Variants in TTC28 observed in about 807,000 individuals in gnomAD.
TTC28 encodes tetratricopeptide repeat domain 28.
Under a neutral mutation model 198.0 loss-of-function variants are expected in TTC28, and 61 were observed. The ratio of observed to expected loss-of-function variants is 0.31; its 90% CI spans 0.25 to 0.38. The LOEUF is 0.38. Ranked by LOEUF, TTC28 falls within the 10% of genes least tolerant of loss-of-function variation. TTC28 has a pLI of 1.00. For synonymous variants in TTC28, 1,171 were observed against 1,297.8 expected (o/e 0.90, Z 2.10); for missense variants, 2,678 against 3,164.0 (o/e 0.85, Z 3.69).
chr22:28,389,259 G>C (rs1299213613), intron 2 of TTC28, among the ~76,000 whole-genome samples: 2 of 152,102 alleles, frequency 1.3e-5, no homozygotes, highest in Non-Finnish European at 2.9e-5. Flanking sequence ...TTTTATTGAG[G>C]ATTTTTGCAT....
At chr22:28,155,259 C>T (rs1303041537) in intron 6 of TTC28, among the ~76,000 whole-genome samples, 1 of 152,214 alleles carries the variant, frequency 6.6e-6, no homozygotes, top group Non-Finnish European at 1.5e-5. Context: ...TTTTCTATTT[C>T]TTTCCAAAGG....
chr22:27,978,364 A>C lies in TTC28; in HGVS notation c.*3857T>G, dbSNP rs1601468254. The C allele has an allele frequency of 6.6e-6, 1 of 152,272 alleles. No individual in the cohort carries two copies. The highest frequency in any genetic ancestry group is 2.1e-4 in the South Asian group (1 of 4,836). 9.4% of individuals were successfully genotyped at this position (152,272 alleles called of 1,614,324 possible). A position where few individuals can be genotyped will look rare whatever the true frequency, so the allele number is the denominator to read the frequency against. On this transcript the variant is annotated 3_prime_UTR_variant, in exon 23 of 23. Coordinates refer to ENST00000397906, the MANE Select transcript of TTC28 (RefSeq NM_001145418.2). Reference sequence around the variant, plus strand: ...AGATAGAACAGCAGAATAGGTGATGAAAATTATACAGTTTTCACTTGTTGC... The same window carrying C: ...AGATAGAACAGCAGAATAGGTGATGCAAATTATACAGTTTTCACTTGTTGC...
At chr22:28,362,794 T>G (rs1356398373) in intron 2 of TTC28, among the ~76,000 whole-genome samples, 1 of 152,124 alleles carries the variant, frequency 6.6e-6, no homozygotes, top group Non-Finnish European at 1.5e-5. Flanking sequence ...CCCTAGAGAT[T>G]TGTGGAACTT....
At chr22:28,556,969 T>C (rs1357759692) in intron 2 of TTC28, among the ~76,000 whole-genome samples, 1 of 152,190 alleles carries the variant, frequency 6.6e-6, no homozygotes, top group Non-Finnish European at 1.5e-5. Flanking sequence ...CCACAATGCC[T>C]TTCATGACTT....
intron 2 of TTC28, among the ~76,000 whole-genome samples, chr22:28,338,480 C>G (rs904510170): frequency 8.1e-5 from 11 of 136,406 alleles, no homozygotes; most frequent in Non-Finnish European, 5.1e-5. Context: ...GTACACCAAT[C>G]AGACGTAGAT....
intron 2 of TTC28, among the ~76,000 whole-genome samples, chr22:28,335,862 C>A (rs1433807384): frequency 6.6e-6 from 1 of 152,210 alleles, no homozygotes; most frequent in Non-Finnish European, 1.5e-5. Flanking sequence ...CTGGCCAGAA[C>A]TTCCAATACT....
chr22:28,357,598 A>G (rs2046098735), intron 2 of TTC28, among the ~76,000 whole-genome samples: 1 of 152,160 alleles, frequency 6.6e-6, no homozygotes, highest in Non-Finnish European at 1.5e-5. Flanking sequence ...GGCATGAGCC[A>G]CCAAGCCCAG....
intron 12 of TTC28, among the ~76,000 whole-genome samples, chr22:28,051,765 A>G (rs866157848): frequency 1.3e-4 from 20 of 152,202 alleles, no homozygotes; most frequent in African/African-American, 4.6e-4. Flanking sequence ...TAACAATAAT[A>G]AAGAAAATAA....
chr22:28,086,547 C>T (rs1299178367), intron 12 of TTC28, among the ~76,000 whole-genome samples: 1 of 152,030 alleles, frequency 6.6e-6, no homozygotes, highest in Non-Finnish European at 1.5e-5. Context: ...ACTAAATGCC[C>T]ACAAGAGAAA....
chr22:28,175,024 A>T (rs1349646368), intron 5 of TTC28, among the ~76,000 whole-genome samples: 1 of 126,606 alleles, frequency 7.9e-6, no homozygotes, highest in African/African-American at 3.6e-5. Flanking sequence ...GTAGTCTCTT[A>T]AAAAAAAAAA....
At position 27,983,667 on chromosome 22, in the gene TTC28, G is replaced by A. The variant is rs538343719; in HGVS notation, c.6000C>T (p.Ser2000=). The A allele has an allele frequency of 5.8e-6, 9 of 1,545,472 alleles. No homozygotes were observed. Among genetic ancestry groups the A allele is most frequent in the Admixed American group, 4.0e-5 (2 of 49,854 alleles). Residue 2000 remains serine, a synonymous_variant, in exon 23 of 23, where the codon TCC becomes TCT. Coordinates refer to ENST00000397906, the MANE Select transcript of TTC28 (RefSeq NM_001145418.2). ...CGGGTTTGGAGACAAAGCTCATTGA[G>A]GAGGCAATGGAGCTCAGACTGTACA... ...ISVYSLSSIA[S]SMSFVSKPEG...
intron 2 of TTC28, among the ~76,000 whole-genome samples, chr22:28,439,229 T>C (rs1018419611): frequency 6.6e-6 from 1 of 152,138 alleles, no homozygotes; most frequent in African/African-American, 2.4e-5. Context: ...TAGAGATATA[T>C]GCACAAGGAG....
chr22:28,533,217 T>TA (rs984460580), intron 2 of TTC28, among the ~76,000 whole-genome samples: 1 of 152,070 alleles, frequency 6.6e-6, no homozygotes, highest in Non-Finnish European at 1.5e-5. Context: ...AGTCTCAGGA[T>TA]AAAAAAATCA....
intron 5 of TTC28, chr22:28,232,762 A>C (rs1183624957): frequency 6.6e-6 from 1 of 152,132 alleles, no homozygotes; most frequent in Non-Finnish European, 1.5e-5. Context: ...TCTCTTACTT[A>C]GGGTTCCTTT....
chr22:28,447,140 G>C (rs957284093), intron 2 of TTC28, among the ~76,000 whole-genome samples: 1 of 152,060 alleles, frequency 6.6e-6, no homozygotes, highest in Admixed American at 6.6e-5. Context: ...ATTGCTTTAA[G>C]AGTTAAGAGA....
intron 6 of TTC28, among the ~76,000 whole-genome samples, chr22:28,160,463 C>A (rs1375770835): frequency 6.6e-6 from 1 of 151,854 alleles, no homozygotes; most frequent in Non-Finnish European, 1.5e-5. Flanking sequence ...TAACAAGTGG[C>A]AATACAATGG....
At chr22:28,326,442 G>C (rs1442215335) in intron 2 of TTC28, among the ~76,000 whole-genome samples, 3 of 152,086 alleles carry the variant, frequency 2.0e-5, no homozygotes, top group Non-Finnish European at 4.4e-5. Context: ...TGAGTAAATA[G>C]TGGTAACGAT....
chr22:28,211,801 T>A (rs1926992305), intron 5 of TTC28, among the ~76,000 whole-genome samples: 2 of 151,986 alleles, frequency 1.3e-5, no homozygotes, highest in African/African-American at 4.8e-5. Flanking sequence ...TCTACAGAAC[T>A]CTCCACCCCA....
chr22:28,271,511 T>G (rs1932070682), intron 5 of TTC28, among the ~76,000 whole-genome samples: 1 of 152,184 alleles, frequency 6.6e-6, no homozygotes, highest in South Asian at 2.1e-4. Flanking sequence ...TTCCCGTAAT[T>G]CCCATGTGTT....
Sources: gnomAD v4.1 joint callset for allele counts (sites outside exome capture counted in the v4.1 genomes callset) on GRCh38, gnomAD v4.1.1 for gene constraint, MANE v1.5 for transcripts, NCBI Gene and HGNC (gene_info 2026-07-23, HGNC 2026-07-21) for gene names.